The following CCDC88C variants were observed in gnomAD, a reference collection of about 807,000 sequenced individuals.
The protein encoded by CCDC88C is coiled-coil and HOOK domain protein 88C, also known as protein Daple.
A neutral mutation model predicts 198.8 loss-of-function variants in CCDC88C; 131 were observed. That is an observed-to-expected ratio of 0.66 (90% confidence interval 0.57 to 0.76). The LOEUF is 0.76. Ranked by LOEUF, CCDC88C falls within the 30% of genes least tolerant of loss-of-function variation. The pLI, the probability that CCDC88C is intolerant of heterozygous loss-of-function variation, is 0.00. For synonymous variants in CCDC88C, 1,166 were observed against 1,114.7 expected (o/e 1.05, Z -0.92); for missense variants, 2,553 against 2,631.6 (o/e 0.97, Z 0.65).
At chr14:91,335,817 G>GC (rs1406979031) in intron 10 of CCDC88C, among the ~76,000 whole-genome samples, 5 of 152,244 alleles carry the variant, frequency 3.3e-5, no homozygotes, top group Admixed American at 3.3e-4. Flanking sequence ...AAGACGGTTT[G>GC]CTAGGCTGTT....
chr14:91,317,392 G>C (rs1322975618), intron 13 of CCDC88C, among the ~76,000 whole-genome samples: 3 of 152,238 alleles, frequency 2.0e-5, no homozygotes, highest in African/African-American at 7.2e-5. Context: ...CCAGCTGGAT[G>C]GCTGAGGTTG....
chr14:91,415,335 T>C lies in CCDC88C; in HGVS notation c.161+1403A>G, dbSNP rs984269437. On this transcript the variant is annotated intron_variant, in intron 2 of 29. Transcript: ENST00000389857. Reference sequence around the variant, plus strand: ...AATCAGACACTGAAGACTGGTAAGATTGGTAGTGACTTTTTTTCCTACACC... The same window carrying C: ...AATCAGACACTGAAGACTGGTAAGACTGGTAGTGACTTTTTTTCCTACACC... 6.8e-4 allele frequency among the ~76,000 whole-genome samples: 103 copies of C among 151,864 alleles called. 1 individual carries two copies. Among genetic ancestry groups the C allele is most frequent in the Non-Finnish European group, 2.1e-4 (14 of 68,012 alleles).
chr14:91,411,269 A>C (rs1423105538), intron 2 of CCDC88C, among the ~76,000 whole-genome samples: 1 of 152,120 alleles, frequency 6.6e-6, no homozygotes, highest in African/African-American at 2.4e-5. Context: ...GGGAATCAAG[A>C]GACATGGGTT....
chr14:91,301,531 C>T (rs575088951), intron 20 of CCDC88C, among the ~76,000 whole-genome samples: 149 of 152,336 alleles, frequency 9.8e-4, no homozygotes, highest in Non-Finnish European at 1.8e-3. Context: ...GCCTGGTCAA[C>T]ATGGTGAAAC....
At chr14:91,315,935 C>T (rs1456496347) in intron 13 of CCDC88C, 148 bp from the exon 14 acceptor site, 1 of 728,142 alleles carries the variant, frequency 1.4e-6, no homozygotes, top group Non-Finnish European at 2.2e-6. Context: ...GTAGCAACTC[C>T]CCACACCACA....
At chr14:91,335,603 C>A (rs1893016459) in intron 10 of CCDC88C, among the ~76,000 whole-genome samples, 1 of 152,182 alleles carries the variant, frequency 6.6e-6, no homozygotes, top group South Asian at 2.1e-4. Flanking sequence ...GGTGTTGCAT[C>A]CTAACCATGT....
At chr14:91,375,081 C>G (rs1271034126) in intron 3 of CCDC88C, among the ~76,000 whole-genome samples, 1 of 152,220 alleles carries the variant, frequency 6.6e-6, no homozygotes, top group South Asian at 2.1e-4. Context: ...GTTTCCTCTG[C>G]TAAACCAGCC....
chr14:91,294,423 CG>C, intron 22 of CCDC88C, 105 bp from the exon 23 acceptor site: 1 of 1,342,218 alleles, frequency 7.5e-7, no homozygotes, highest in Admixed American at 2.0e-5. Flanking sequence ...AGATGTTCAA[CG>C]CAGCATAATC....
Position 91,308,444 on chromosome 14 carries a change from T to C in CCDC88C, c.2913A>G (p.Thr971=). ...EGRNESALKT[T]LAMKEEKIVL... is the part of the protein sequence containing the mutation. Reference sequence around the variant, plus strand: ...CAATCTTTTCTTCTTTCATGGCTAGTGTTGTTTTTAATGCTGATTCATTTC... The same window carrying C: ...CAATCTTTTCTTCTTTCATGGCTAGCGTTGTTTTTAATGCTGATTCATTTC... Residue 971 remains threonine, a synonymous_variant, in exon 17 of 30, where the codon ACA becomes ACG. Coordinates refer to ENST00000389857, the MANE Select transcript of CCDC88C (RefSeq NM_001080414.4). The C allele has an allele frequency of 1.2e-6, 2 of 1,613,998 alleles. No homozygotes were observed. The highest frequency in any genetic ancestry group is 2.2e-5 in the South Asian group (2 of 91,084).
At chr14:91,297,562 G>C in intron 21 of CCDC88C, 71 bp from the exon 22 acceptor site, 1 of 1,468,184 alleles carries the variant, frequency 6.8e-7, no homozygotes, top group Non-Finnish European at 9.3e-7. Flanking sequence ...CAGAGACCTG[G>C]GCTATGTCCC....
At chr14:91,389,899 C>A (rs1194293410) in intron 3 of CCDC88C, among the ~76,000 whole-genome samples, 3 of 151,566 alleles carry the variant, frequency 2.0e-5, no homozygotes, top group African/African-American at 7.3e-5. Context: ...GGTGAAACCC[C>A]ATCTCTACTA....
chr14:91,307,676 C>T (rs1374852783), intron 17 of CCDC88C, among the ~76,000 whole-genome samples: 2 of 152,174 alleles, frequency 1.3e-5, no homozygotes, highest in African/African-American at 2.4e-5. Context: ...TGGAAGAGTG[C>T]GTGTGTGGAA....
chr14:91,394,501 G>A lies in CCDC88C; in HGVS notation c.270+14158C>T, dbSNP rs574553615. ...ATTTTAACCTAGAGACAGGATTCCCGGCCCAGGCCTGGTGTGACACCGTGC... is the reference window on the plus strand; with the variant it reads ...ATTTTAACCTAGAGACAGGATTCCCAGCCCAGGCCTGGTGTGACACCGTGC... On this transcript the variant is annotated intron_variant, in intron 3 of 29. Transcript: ENST00000389857. 1.7e-3 allele frequency among the ~76,000 whole-genome samples: 264 copies of A among 152,294 alleles called. 1 individual carries two copies. The highest frequency in any genetic ancestry group is 6.2e-3 in the African/African-American group (256 of 41,552).
chr14:91,299,434 C>T (rs4900076), intron 21 of CCDC88C, among the ~76,000 whole-genome samples: 146,067 of 152,338 alleles, frequency 0.96, 70,083 homozygotes, highest in African/African-American at 0.99. Context: ...AGGCAGCGTG[C>T]TGTCGTGTGT....
intron 3 of CCDC88C, among the ~76,000 whole-genome samples, chr14:91,401,266 T>TTA (rs943046243): frequency 6.9e-6 from 1 of 144,950 alleles, no homozygotes; most frequent in Non-Finnish European, 1.5e-5. Context: ...AATATATACA[T>TTA]TATATATATT....
intron 3 of CCDC88C, among the ~76,000 whole-genome samples, chr14:91,395,104 G>A (rs1596155083): frequency 6.6e-6 from 1 of 152,122 alleles, no homozygotes; most frequent in Non-Finnish European, 1.5e-5. Context: ...CTTACCCAAG[G>A]CCACAAATCT....
intron 6 of CCDC88C, among the ~76,000 whole-genome samples, chr14:91,340,622 G>A (rs143554329): frequency 8.5e-5 from 13 of 152,086 alleles, no homozygotes; most frequent in African/African-American, 2.7e-4. Context: ...GCACACCCCC[G>A]GATCTGCCAC....
At chr14:91,317,734 A>T (rs924882414) in intron 13 of CCDC88C, among the ~76,000 whole-genome samples, 4 of 152,130 alleles carry the variant, frequency 2.6e-5, no homozygotes, top group Admixed American at 1.3e-4. Flanking sequence ...ACGACCAGAG[A>T]GTGTGTGCCA....
Position 91,277,946 on chromosome 14 carries a change from C to T in CCDC88C, c.5034G>A (p.Glu1678=), listed in dbSNP as rs866665812. The T allele has an allele frequency of 2.0e-6, 3 of 1,520,956 alleles. No individual in the cohort carries two copies. The highest frequency in any genetic ancestry group is 2.7e-6 in the Non-Finnish European group (3 of 1,125,684). The allele number at this position is 1,520,956 out of a possible 1,614,324, so 94.2% of individuals were successfully genotyped here. A position where few individuals can be genotyped will look rare whatever the true frequency, so the allele number is the denominator to read the frequency against. Residue 1678 remains glutamate (E), a synonymous_variant, in exon 29 of 30, where the codon GAG becomes GAA. Coordinates refer to ENST00000389857, the MANE Select transcript of CCDC88C (RefSeq NM_001080414.4). ...EMVTLEEFLE[E]SNRSSPTHDT... ...CATGGGTGGGGGAGCTGCGGTTGCT[C>T]TCCTCCAGGAACTCCTCCAAGGTGA... is the stretch of plus-strand genomic sequence containing the variant.
Sources: allele counts gnomAD v4.1 joint callset (sites outside exome capture counted in the v4.1 genomes callset), GRCh38; gene constraint gnomAD v4.1.1; transcripts MANE v1.5; gene names NCBI Gene and HGNC (gene_info 2026-07-23, HGNC 2026-07-21).